Variants in TRPC5 observed in about 807,000 individuals in gnomAD.
The protein encoded by TRPC5 is transient receptor potential cation channel subfamily C member 5, also known as short transient receptor potential channel 5.
In TRPC5, 9 loss-of-function variants were observed where a neutral mutation model predicts 56.5. The ratio of observed to expected loss-of-function variants is 0.16; its 90% CI spans 0.10 to 0.28. The LOEUF (loss-of-function observed/expected upper bound fraction) is 0.28, where lower values mean the gene tolerates loss of function less well. TRPC5 is among the 10% of genes least tolerant of loss of function. TRPC5 has a pLI of 1.00. For missense variants in TRPC5, 469 were observed against 748.9 expected (o/e 0.63, Z 4.36); for synonymous variants, 282 against 278.5 (o/e 1.01, Z -0.13).
rs1431377559 is a variant in TRPC5, at chrX:111,825,142, CCTTCCTTTCTTTCTTTCTTT to C, written c.1896+9759_1896+9778del. On this transcript the variant is annotated intron_variant, in intron 7 of 10. Transcript: ENST00000262839. ...TTTTCTTTCTTTTCCTTCCTTCCTT[CCTTCCTTTCTTTCTTTCTTT>C]CTTTCTTTCTTTCTTTCTTTCTTTC... Among the ~76,000 whole-genome samples the C allele has an allele frequency of 4.0e-3, 310 of 78,362 alleles. 5 individuals carry two copies. The highest frequency in any genetic ancestry group is 4.7e-3 in the Non-Finnish European group (218 of 46,116). The allele number at this position is 78,362 out of a possible 115,157, so 68.0% of individuals were successfully genotyped here.
intron 7 of TRPC5, among the ~76,000 whole-genome samples, chrX:111,799,075 G>T (rs1026542483): frequency 1.8e-5 from 2 of 110,795 alleles, no homozygotes; most frequent in Non-Finnish European, 3.8e-5. Flanking sequence ...TTCTGTTCTT[G>T]GGGGGGAAAT....
intron 1 of TRPC5, among the ~76,000 whole-genome samples, chrX:111,981,891 C>T (rs971786506): frequency 6.3e-5 from 7 of 111,834 alleles, no homozygotes; most frequent in Non-Finnish European, 1.1e-4. Context: ...AATCTCATGC[C>T]GAATTGTAAT....
intron 1 of TRPC5, among the ~76,000 whole-genome samples, chrX:112,066,362 G>A (rs1372472557): frequency 9.0e-6 from 1 of 111,344 alleles, no homozygotes. Flanking sequence ...CCTGTGTTAG[G>A]CCCTGGGAAT....
chrX:112,081,692 C>T (rs1360764364), intron 1 of TRPC5, among the ~76,000 whole-genome samples, 187 bp downstream of exon 1: 1 of 111,652 alleles, frequency 9.0e-6, no homozygotes, highest in African/African-American at 3.3e-5. Flanking sequence ...CATTGCATTT[C>T]CTCTTCCAAA....
At chrX:111,807,593 G>T (rs190442917) in intron 7 of TRPC5, among the ~76,000 whole-genome samples, 1 of 112,293 alleles carries the variant, frequency 8.9e-6, no homozygotes, top group East Asian at 2.8e-4. Flanking sequence ...TTCATTTGGT[G>T]AAGTCTTGTT....
chrX:111,898,224 C>T (rs1249408617), intron 3 of TRPC5, among the ~76,000 whole-genome samples: 2 of 100,327 alleles, frequency 2.0e-5, no homozygotes, highest in Non-Finnish European at 4.0e-5. Flanking sequence ...GGTTGTTTGT[C>T]TTTTTATTAT....
intron 2 of TRPC5, among the ~76,000 whole-genome samples, chrX:111,933,531 G>A (rs972792371): frequency 2.7e-5 from 3 of 110,927 alleles, no homozygotes; most frequent in Non-Finnish European, 5.7e-5. Flanking sequence ...GAAGCCCTGA[G>A]TTGATGGTAA....
At chrX:111,788,407 T>C (rs1360273909) in intron 7 of TRPC5, among the ~76,000 whole-genome samples, 5 of 111,702 alleles carry the variant, frequency 4.5e-5, no homozygotes, top group East Asian at 5.6e-4. Context: ...ATTGATGGAA[T>C]GTATCTCAAA....
rs932201066 is a variant in TRPC5 at position 111,789,833 on chromosome X, G to T, written c.1897-7695C>A. On this transcript the variant is annotated intron_variant, in intron 7 of 10. Transcript: ENST00000262839. ...ATGCTCACCATCACTGGTCATCAGA[G>T]AAATGCAAATCAAAACCACAATAAG... 3.5e-5 allele frequency among the ~76,000 whole-genome samples: 4 copies of T among 112,761 alleles called. No individual in the cohort carries two copies. In the East Asian group the frequency reaches 1.1e-3, roughly 31 times the overall value.
At chrX:111,911,921 C>G (rs1180970294) in intron 3 of TRPC5, among the ~76,000 whole-genome samples, 1 of 111,833 alleles carries the variant, frequency 8.9e-6, no homozygotes, top group Non-Finnish European at 1.9e-5. Flanking sequence ...TTTCAGAGTA[C>G]ATATCTTAGT....
At chrX:111,999,082 C>G (rs946006427) in intron 1 of TRPC5, among the ~76,000 whole-genome samples, 2 of 111,218 alleles carry the variant, frequency 1.8e-5, no homozygotes, top group African/African-American at 6.5e-5. Context: ...TCCTAAAGCT[C>G]TCCCTCCCCT....
chrX:112,062,649 T>C (rs747358150), intron 1 of TRPC5, among the ~76,000 whole-genome samples: 1 of 112,192 alleles, frequency 8.9e-6, no homozygotes, highest in Non-Finnish European at 1.9e-5. Context: ...AGAGGTTGTG[T>C]TGGGAGACAC....
chrX:111,912,527 G>A lies in TRPC5; in HGVS notation c.664C>T (p.Arg222Cys). The A allele has an allele frequency of 8.3e-7, 1 of 1,211,584 alleles. No homozygotes were observed. Among genetic ancestry groups the A allele is most frequent in the Non-Finnish European group, 1.1e-6 (1 of 895,497 alleles). ...SSEDPILTAF[R>C]LGWELKELSK... Reference sequence around the variant, plus strand: ...AGCTCCTTGAGCTCCCAGCCCAGACGGAAGGCAGTTAGGATGGGGTCCTCA... The same window carrying A: ...AGCTCCTTGAGCTCCCAGCCCAGACAGAAGGCAGTTAGGATGGGGTCCTCA... Residue 222 changes from arginine (R) to cysteine (C), a missense_variant, in exon 3 of 11, where the codon CGT becomes TGT. Around this residue, in one of 3 missense-constraint regions of TRPC5, gnomAD observed 157 missense variants for 360.0 expected, o/e 0.44. Transcript: ENST00000262839.
At chrX:112,010,512 A>G (rs1386444174) in intron 1 of TRPC5, among the ~76,000 whole-genome samples, 4 of 111,651 alleles carry the variant, frequency 3.6e-5, no homozygotes, top group Admixed American at 9.5e-5. Context: ...AACCTAGGCT[A>G]TGTGTTATGG....
intron 7 of TRPC5, among the ~76,000 whole-genome samples, chrX:111,801,919 A>G (rs935558094): frequency 1.8e-5 from 2 of 111,438 alleles, no homozygotes; most frequent in African/African-American, 6.5e-5. Context: ...CTCTTTTATC[A>G]CTTGTGCTTC....
At chrX:111,789,054 G>GA (rs1281115181) in intron 7 of TRPC5, among the ~76,000 whole-genome samples, 2 of 111,729 alleles carry the variant, frequency 1.8e-5, no homozygotes, top group East Asian at 2.8e-4. Context: ...CACAGAATTG[G>GA]AAAAAACTAC....
At chrX:111,997,624 C>T (rs1928576718) in intron 1 of TRPC5, among the ~76,000 whole-genome samples, 1 of 110,904 alleles carries the variant, frequency 9.0e-6, no homozygotes, top group Non-Finnish European at 1.9e-5. Flanking sequence ...CTTTTAGGTA[C>T]ACCAATCAAA....
intron 7 of TRPC5, among the ~76,000 whole-genome samples, chrX:111,822,987 G>T (rs1382277512): frequency 3.6e-5 from 4 of 111,744 alleles, no homozygotes; most frequent in Admixed American, 2.8e-4. Flanking sequence ...GACAGGAAAA[G>T]AAAATCTACA....
At chrX:111,878,082 A>G (rs890345676) in intron 3 of TRPC5, among the ~76,000 whole-genome samples, 5 of 110,729 alleles carry the variant, frequency 4.5e-5, no homozygotes, top group Non-Finnish European at 9.4e-5. Context: ...CAGTGAGGAG[A>G]AGGGAAAGAG....
Sources: allele counts gnomAD v4.1 joint callset (sites outside exome capture counted in the v4.1 genomes callset), GRCh38; gene constraint gnomAD v4.1.1; regional missense constraint gnomAD v4.1.1; transcripts MANE v1.5; gene names NCBI Gene and HGNC (gene_info 2026-07-23, HGNC 2026-07-21).